B3GALT1: variants seen among roughly 807,000 people sequenced by gnomAD.
The protein encoded by B3GALT1 is beta-1,3-galactosyltransferase 1.
B3GALT1 carries 10 observed loss-of-function variants against 23.2 expected under a neutral mutation model. The observed-to-expected ratio is 0.43, with a 90% CI of 0.27 to 0.73. The LOEUF (loss-of-function observed/expected upper bound fraction) is 0.73, where lower values mean the gene tolerates loss of function less well. Among genes scored for constraint, B3GALT1 ranks in the 30% least tolerant of loss-of-function variants. The pLI, the probability that B3GALT1 is intolerant of heterozygous loss-of-function variation, is 0.21. For synonymous variants in B3GALT1, 156 were observed against 141.5 expected (o/e 1.10, Z -0.73); for missense variants, 299 against 405.4 (o/e 0.74, Z 2.25).
chr2:167,471,180 T>C (rs1245538620), intron 1 of B3GALT1, among the ~76,000 whole-genome samples: 1 of 152,178 alleles, frequency 6.6e-6, no homozygotes, highest in Non-Finnish European at 1.5e-5. Context: ...CTGTGGGAAC[T>C]CTTATTTCTA....
chr2:167,800,345 A>G (rs898897986), intron 3 of B3GALT1, among the ~76,000 whole-genome samples: 1 of 152,154 alleles, frequency 6.6e-6, no homozygotes, highest in Non-Finnish European at 1.5e-5. Flanking sequence ...CCCCACAATC[A>G]AATAATCTCT....
At chr2:167,528,477 G>A (rs1190693826) in intron 2 of B3GALT1, among the ~76,000 whole-genome samples, 1 of 152,110 alleles carries the variant, frequency 6.6e-6, no homozygotes, top group Non-Finnish European at 1.5e-5. Context: ...TCCATGACTA[G>A]TTGGTGAGGG....
intron 2 of B3GALT1, among the ~76,000 whole-genome samples, chr2:167,627,032 G>A (rs926059610): frequency 6.6e-5 from 10 of 151,658 alleles, no homozygotes; most frequent in Non-Finnish European, 1.3e-4. Flanking sequence ...AGGAAGGCAA[G>A]GGCTAAGTGT....
chr2:167,770,548 A>G (rs957760493), intron 3 of B3GALT1, among the ~76,000 whole-genome samples: 2 of 152,026 alleles, frequency 1.3e-5, no homozygotes, highest in Non-Finnish European at 2.9e-5. Flanking sequence ...TTTGGAGATT[A>G]TTTTCTTTCA....
Position 167,346,767 on chromosome 2 carries a change from TGTGTGTGTGC to T in B3GALT1, c.-511+53446_-511+53455del, listed in dbSNP as rs939975071. On this transcript the variant is annotated intron_variant, in intron 1 of 4. Coordinates refer to ENST00000392690, the MANE Select transcript of B3GALT1 (RefSeq NM_020981.4). ...GTGTGGGGGGGGGGTGGTGCGTGTG[TGTGTGTGTGC>T]GTGTGTGTGCGTATACCTGTAATTT... Among the ~76,000 whole-genome samples, 49 of 151,584 alleles carry T rather than the reference TGTGTGTGTGC, an allele frequency of 3.2e-4. 1 individual carries two copies. Among genetic ancestry groups the T allele is most frequent in the African/African-American group, 1.0e-3 (42 of 41,272 alleles).
At chr2:167,378,171 G>C (rs916673752) in intron 1 of B3GALT1, among the ~76,000 whole-genome samples, 9 of 152,144 alleles carry the variant, frequency 5.9e-5, no homozygotes, top group African/African-American at 1.9e-4. Context: ...TGGCTTATAA[G>C]GTTTCTGCTG....
intron 3 of B3GALT1, among the ~76,000 whole-genome samples, chr2:167,760,583 C>T (rs1033115011): frequency 3.9e-5 from 6 of 152,146 alleles, no homozygotes; most frequent in African/African-American, 1.4e-4. Context: ...TCACAGTCAC[C>T]GTCTTAGTCT....
chr2:167,457,140 T>C (rs1699184541), intron 1 of B3GALT1, among the ~76,000 whole-genome samples: 1 of 152,068 alleles, frequency 6.6e-6, no homozygotes, highest in African/African-American at 2.4e-5. Context: ...AATATAGGTT[T>C]CTTGTTTATC....
chr2:167,450,288 T>C (rs1465430166), intron 1 of B3GALT1, among the ~76,000 whole-genome samples: 1 of 151,916 alleles, frequency 6.6e-6, no homozygotes, highest in African/African-American at 2.4e-5. Context: ...ATTGGTCTAG[T>C]TATAGTTTCT....
chr2:167,837,706 C>G (rs1240793469), intron 4 of B3GALT1, among the ~76,000 whole-genome samples: 5 of 148,546 alleles, frequency 3.4e-5, no homozygotes, highest in East Asian at 4.0e-4. Context: ...CTCTCCACCC[C>G]AAATCAACAG....
chr2:167,329,073 A>G (rs1696935121), intron 1 of B3GALT1, among the ~76,000 whole-genome samples: 1 of 152,168 alleles, frequency 6.6e-6, no homozygotes, highest in South Asian at 2.1e-4. Context: ...TCGGCCTCCC[A>G]AAGTGCTGGG....
chr2:167,644,532 G>A (rs904841748), intron 2 of B3GALT1, among the ~76,000 whole-genome samples: 2 of 152,084 alleles, frequency 1.3e-5, no homozygotes, highest in Non-Finnish European at 2.9e-5. Flanking sequence ...TGTAATCCCA[G>A]CACTTTGGTA....
At chr2:167,592,427 C>T (rs138866585) in intron 2 of B3GALT1, among the ~76,000 whole-genome samples, 4 of 152,268 alleles carry the variant, frequency 2.6e-5, no homozygotes, top group Non-Finnish European at 5.9e-5. Flanking sequence ...TTTATCAGCC[C>T]ACTTTCTATG....
At chr2:167,821,196 G>A (rs543755104) in intron 4 of B3GALT1, among the ~76,000 whole-genome samples, 1 of 152,212 alleles carries the variant, frequency 6.6e-6, no homozygotes, top group African/African-American at 2.4e-5. Flanking sequence ...CAGTTTTTAA[G>A]CTCTCAGTTT....
chr2:167,763,689 A>G (rs1255725407), intron 3 of B3GALT1, among the ~76,000 whole-genome samples: 1 of 108,212 alleles, frequency 9.2e-6, no homozygotes, highest in East Asian at 3.1e-4. Flanking sequence ...AGACTCTGTC[A>G]GAAAAAAAAA....
At chr2:167,850,202 A>G (rs553520016) in intron 4 of B3GALT1, among the ~76,000 whole-genome samples, 18 of 152,354 alleles carry the variant, frequency 1.2e-4, no homozygotes, top group African/African-American at 4.3e-4. Context: ...CAGTAAGTCA[A>G]AAACAAACAA....
intron 3 of B3GALT1, among the ~76,000 whole-genome samples, chr2:167,749,489 T>G (rs1687700427): frequency 6.6e-6 from 1 of 152,210 alleles, no homozygotes; most frequent in African/African-American, 2.4e-5. Flanking sequence ...AAACATTGAT[T>G]TTGTTGTTAA....
chr2:167,839,916 C>G (rs1272410915), intron 4 of B3GALT1, among the ~76,000 whole-genome samples: 2 of 151,938 alleles, frequency 1.3e-5, no homozygotes, highest in African/African-American at 4.8e-5. Context: ...CTGAGAAAAA[C>G]AAGCAATGGG....
At chr2:167,649,485 C>CGTCAG (rs1685821723) in intron 3 of B3GALT1, among the ~76,000 whole-genome samples, 1 of 152,048 alleles carries the variant, frequency 6.6e-6, no homozygotes, top group Non-Finnish European at 1.5e-5. Context: ...CAGCCCCTGA[C>CGTCAG]AAACACTAAT....
Sources: gnomAD v4.1 joint callset for allele counts (sites outside exome capture counted in the v4.1 genomes callset) on GRCh38, gnomAD v4.1.1 for gene constraint, MANE v1.5 for transcripts, NCBI Gene and HGNC (gene_info 2026-07-23, HGNC 2026-07-21) for gene names.